The following GABRB1 variants were observed in gnomAD, a reference collection of about 807,000 sequenced individuals.
The protein encoded by GABRB1 is gamma-aminobutyric acid type A receptor subunit beta1.
In GABRB1, 17 loss-of-function variants were observed where a neutral mutation model predicts 51.6. The ratio of observed to expected loss-of-function variants is 0.33; its 90% CI spans 0.23 to 0.49. The LOEUF (loss-of-function observed/expected upper bound fraction) is 0.49, where lower values mean the gene tolerates loss of function less well. GABRB1 is among the 20% of genes least tolerant of loss of function. The probability of loss-of-function intolerance (pLI) is 0.99; values close to 1 mark genes in which losing one functional copy is unlikely to be tolerated. For synonymous variants in GABRB1, 247 were observed against 218.9 expected (o/e 1.13, Z -1.14); for missense variants, 410 against 600.6 (o/e 0.68, Z 3.32).
intron 4 of GABRB1, among the ~76,000 whole-genome samples, chr4:47,216,247 C>A (rs1425951802): frequency 3.3e-5 from 5 of 151,902 alleles, no homozygotes; most frequent in Admixed American, 2.0e-4. Context: ...ACTGATAATA[C>A]TGTATATTTT....
chr4:47,001,763 C>T (rs182709065), intron 1 of GABRB1, among the ~76,000 whole-genome samples: 4 of 152,286 alleles, frequency 2.6e-5, no homozygotes, highest in East Asian at 1.9e-4. Flanking sequence ...TATACTCTAT[C>T]GGTTCAATTT....
chr4:47,054,842 C>A (rs1226668925), intron 3 of GABRB1, among the ~76,000 whole-genome samples: 1 of 152,198 alleles, frequency 6.6e-6, no homozygotes, highest in East Asian at 1.9e-4. Context: ...ACCTCAGCCT[C>A]CCAAAGTGCT....
chr4:47,039,021 G>C (rs1343575504), intron 3 of GABRB1, among the ~76,000 whole-genome samples: 1 of 152,174 alleles, frequency 6.6e-6, no homozygotes, highest in East Asian at 1.9e-4. Flanking sequence ...TCTATTGAAA[G>C]GGAAAGACGT....
chr4:47,218,121 T>C (rs1241795321), intron 4 of GABRB1, among the ~76,000 whole-genome samples: 10 of 151,962 alleles, frequency 6.6e-5, no homozygotes, highest in Admixed American at 5.9e-4. Flanking sequence ...TTTCACTTAA[T>C]GTAATGATCT....
At chr4:47,349,688 T>C (rs1486244935) in intron 5 of GABRB1, among the ~76,000 whole-genome samples, 1 of 152,132 alleles carries the variant, frequency 6.6e-6, no homozygotes, top group Non-Finnish European at 1.5e-5. Context: ...ACATAGTATG[T>C]ATAAGGTTAG....
At chr4:47,355,261 G>A (rs532736936) in intron 5 of GABRB1, among the ~76,000 whole-genome samples, 26 of 152,092 alleles carry the variant, frequency 1.7e-4, no homozygotes, top group Non-Finnish European at 2.4e-4. Flanking sequence ...GATTACTGGC[G>A]TGAGCCACCA....
intron 3 of GABRB1, among the ~76,000 whole-genome samples, chr4:47,090,253 C>A (rs568899276): frequency 1.3e-5 from 2 of 152,300 alleles, no homozygotes; most frequent in African/African-American, 4.8e-5. Context: ...TAGAAAATGT[C>A]TAATGCAATC....
At chr4:47,233,653 T>G (rs1721224989) in intron 4 of GABRB1, among the ~76,000 whole-genome samples, 1 of 152,192 alleles carries the variant, frequency 6.6e-6, no homozygotes, top group South Asian at 2.1e-4. Flanking sequence ...TGTACTGCAA[T>G]TTCTCCATTT....
At position 47,254,361 on chromosome 4, in the gene GABRB1, G is replaced by GGTTTTTTTTTTTTTTTTTTTTTTTTT. The variant is rs1305298443; in HGVS notation, c.462-65766_462-65765insGTTTTTTTTTTTTTTTTTTTTTTTTT. ...ATGGTGGATGATGTTTCTTTTCTTT[G>GGTTTTTTTTTTTTTTTTTTTTTTTTT]TTTTTTTTTTTTTTTTTTTTTTTTT... On this transcript the variant is annotated intron_variant, in intron 4 of 8. Transcript: ENST00000295454. 7.4e-5 allele frequency among the ~76,000 whole-genome samples: 6 copies of GGTTTTTTTTTTTTTTTTTTTTTTTTT among 80,966 alleles called. 3 individuals carry two copies. The highest frequency in any genetic ancestry group is 3.1e-4 in the Admixed American group (2 of 6,554). 53.1% of individuals were successfully genotyped at this position (80,966 alleles called of 152,430 possible).
intron 5 of GABRB1, among the ~76,000 whole-genome samples, chr4:47,375,238 T>C (rs986151888): frequency 6.6e-6 from 1 of 152,248 alleles, no homozygotes; most frequent in African/African-American, 2.4e-5. Context: ...GTCATATTTG[T>C]ATTTTAAATT....
In GABRB1 at chr4:47,403,684, G is replaced by C. The variant is rs1728475759; in HGVS notation, c.808G>C (p.Asp270His). 6.2e-7 allele frequency: 1 copy of C among 1,613,332 alleles called. No homozygotes were observed. The highest frequency in any genetic ancestry group is 1.3e-5 in the African/African-American group (1 of 75,034). Residue 270 changes from aspartate to histidine, a missense_variant, in exon 7 of 9, where the codon GAT (aspartate) becomes CAT (histidine). Physicochemically the swap from Asp to His is moderately conservative, Grantham distance 81. Transcript: ENST00000295454. ...CTGGGTGTCTTTTTGGATCAACTATGATGCATCTGCAGCCAGAGTCGCACT... is the reference window on the plus strand; with the variant it reads ...CTGGGTGTCTTTTTGGATCAACTATCATGCATCTGCAGCCAGAGTCGCACT... ...LSWVSFWINY[D>H]ASAARVALGI... is the part of the protein sequence containing the mutation.
At position 47,289,301 on chromosome 4, in the gene GABRB1, G is replaced by C. The variant is rs75020675; in HGVS notation, c.462-30826G>C. 4.9e-3 allele frequency among the ~76,000 whole-genome samples: 751 copies of C among 151,996 alleles called. 7 individuals are homozygous for C. The highest frequency in any genetic ancestry group is 0.017 in the African/African-American group (696 of 41,510). On this transcript the variant is annotated intron_variant, in intron 4 of 8. Coordinates refer to ENST00000295454, the MANE Select transcript of GABRB1 (RefSeq NM_000812.4). The stretch of plus-strand genomic sequence containing the variant: ...CTATTATTTTAAATGAACTCACTCA[G>C]AAAGGAAAAAGTGCATTATCTCTTT...
intron 4 of GABRB1, among the ~76,000 whole-genome samples, chr4:47,283,549 C>A (rs1244046549): frequency 6.6e-6 from 1 of 150,850 alleles, no homozygotes. Flanking sequence ...CCACCACGCC[C>A]GGCTAAATTT....
intron 3 of GABRB1, among the ~76,000 whole-genome samples, chr4:47,155,250 G>T (rs531397660): frequency 1.3e-5 from 2 of 152,050 alleles, no homozygotes; most frequent in South Asian, 4.1e-4. Flanking sequence ...GCTTTCCGGG[G>T]AAGCAGCCCA....
chr4:47,195,518 T>C (rs1719651502), intron 4 of GABRB1, among the ~76,000 whole-genome samples: 1 of 151,952 alleles, frequency 6.6e-6, no homozygotes, highest in Non-Finnish European at 1.5e-5. Context: ...ATAAAATAAA[T>C]ATCCCAAATT....
At chr4:47,209,798 G>GT (rs1201465535) in intron 4 of GABRB1, among the ~76,000 whole-genome samples, 1 of 144,952 alleles carries the variant, frequency 6.9e-6, no homozygotes, top group Non-Finnish European at 1.5e-5. Flanking sequence ...GGGTACTTTA[G>GT]TAAAAAAAAA....
chr4:47,357,382 A>G (rs571530516), intron 5 of GABRB1, among the ~76,000 whole-genome samples: 1 of 152,314 alleles, frequency 6.6e-6, no homozygotes, highest in Admixed American at 6.5e-5. Flanking sequence ...ACATCCATCT[A>G]CATATGTGGT....
Position 47,171,113 on chromosome 4 carries a change from T to G in GABRB1, c.461+9644T>G, listed in dbSNP as rs576330842. Among the ~76,000 whole-genome samples, 11 of 152,234 alleles carry G rather than the reference T, an allele frequency of 7.2e-5. 1 individual carries two copies. In the South Asian group the frequency reaches 2.3e-3, roughly 32 times the overall value. On this transcript the variant is annotated intron_variant, in intron 4 of 8. Transcript: ENST00000295454. ...GCAGTTATTACAGCTATTGTGTGAG[T>G]ATGTTATTTGTGGATGTATCATTGT... is the stretch of plus-strand genomic sequence containing the variant.
At chr4:47,259,806 T>A (rs1156317374) in intron 4 of GABRB1, among the ~76,000 whole-genome samples, 5 of 152,206 alleles carry the variant, frequency 3.3e-5, no homozygotes, top group Admixed American at 6.5e-5. Context: ...GGCTCATTTC[T>A]CTAGTATTCT....
Sources: allele counts gnomAD v4.1 joint callset (sites outside exome capture counted in the v4.1 genomes callset), GRCh38; gene constraint gnomAD v4.1.1; transcripts MANE v1.5; gene names NCBI Gene and HGNC (gene_info 2026-07-23, HGNC 2026-07-21).